The following SFXN5 variants were observed in gnomAD, a reference collection of about 807,000 sequenced individuals.
SFXN5 encodes sideroflexin-5.
A neutral mutation model predicts 50.2 loss-of-function variants in SFXN5; 43 were observed. The ratio of observed to expected loss-of-function variants is 0.86; its 90% confidence interval spans 0.67 to 1.11. SFXN5 has a LOEUF of 1.11. Among genes scored for constraint, SFXN5 ranks in the 50% least tolerant of loss-of-function variants. The pLI is 0.00. For missense variants in SFXN5, 463 were observed against 454.1 expected (o/e 1.02, Z -0.18); for synonymous variants, 203 against 185.8 (o/e 1.09, Z -0.75).
At chr2:72,968,759 CTTT>C (rs1559100900) in intron 11 of SFXN5, among the ~76,000 whole-genome samples, 1 of 151,196 alleles carries the variant, frequency 6.6e-6, no homozygotes, top group East Asian at 1.9e-4. Context: ...TCTTTCCTTC[CTTT>C]TTTCTTTCCT....
intron 4 of SFXN5, among the ~76,000 whole-genome samples, chr2:73,022,841 T>C (rs1305719262): frequency 6.6e-6 from 1 of 152,216 alleles, no homozygotes; most frequent in Non-Finnish European, 1.5e-5. Flanking sequence ...AAAAGCTGAA[T>C]GCAGTGGAGA....
intron 13 of SFXN5, among the ~76,000 whole-genome samples, chr2:72,957,790 C>T (rs552489733): frequency 6.6e-6 from 1 of 152,352 alleles, no homozygotes; most frequent in Non-Finnish European, 1.5e-5. Flanking sequence ...CCAAACAGGG[C>T]TCAAAACACC....
chr2:72,971,045 G>A (rs1675105774), intron 11 of SFXN5, among the ~76,000 whole-genome samples: 1 of 152,142 alleles, frequency 6.6e-6, no homozygotes, highest in Non-Finnish European at 1.5e-5. Context: ...GAAACCAGTG[G>A]CGAAAGAAGG....
intron 2 of SFXN5, among the ~76,000 whole-genome samples, chr2:73,044,788 C>G (rs559845446): frequency 6.6e-6 from 1 of 152,370 alleles, no homozygotes; most frequent in South Asian, 2.1e-4. Flanking sequence ...CCATGAGAGT[C>G]CCTCCATGTA....
At chr2:73,006,903 G>C (rs745692346) in intron 6 of SFXN5, among the ~76,000 whole-genome samples, 7 of 152,204 alleles carry the variant, frequency 4.6e-5, no homozygotes, top group Non-Finnish European at 1.0e-4. Context: ...CCAGGAAGAG[G>C]GGCAGTTTGT....
intron 6 of SFXN5, among the ~76,000 whole-genome samples, chr2:73,011,624 A>G (rs541734344): frequency 6.6e-6 from 1 of 152,296 alleles, no homozygotes; most frequent in East Asian, 1.9e-4. Flanking sequence ...GGTAATTCAG[A>G]GAAGGGGGAA....
In SFXN5 at chr2:73,023,135, G is replaced by T. The variant is rs569082007; in HGVS notation, c.276+53C>A. On this transcript the variant is annotated intron_variant, in intron 4 of 13. Transcript: ENST00000272433. Reference sequence around the variant, plus strand: ...CACTAGATCCCTGGGACAGGGCAGGGTGGAGTCCAGGACAACACGGAGAAG... The same window carrying T: ...CACTAGATCCCTGGGACAGGGCAGGTTGGAGTCCAGGACAACACGGAGAAG... The T allele has an allele frequency of 2.9e-5, 45 of 1,572,536 alleles. No individual in the cohort carries two copies. In the South Asian group the frequency reaches 4.9e-4, roughly 17 times the overall value.
At chr2:73,018,713 T>C (rs1676467498) in intron 6 of SFXN5, among the ~76,000 whole-genome samples, 1 of 152,236 alleles carries the variant, frequency 6.6e-6, no homozygotes, top group African/African-American at 2.4e-5. Context: ...AAAATGCTAC[T>C]ATAAACATTC....
At chr2:73,002,975 T>G (rs1245946854) in intron 6 of SFXN5, among the ~76,000 whole-genome samples, 1 of 152,250 alleles carries the variant, frequency 6.6e-6, no homozygotes, top group Non-Finnish European at 1.5e-5. Flanking sequence ...TTTAAAATTC[T>G]ACTTCCAAAT....
intron 13 of SFXN5, among the ~76,000 whole-genome samples, chr2:72,955,913 C>T (rs1011709943): frequency 3.9e-5 from 6 of 152,264 alleles, no homozygotes. Flanking sequence ...CCACCTATAG[C>T]GGCCCCGGCA....
chr2:73,067,574 T>G (rs1683266917), intron 1 of SFXN5, among the ~76,000 whole-genome samples: 1 of 152,206 alleles, frequency 6.6e-6, no homozygotes, highest in Non-Finnish European at 1.5e-5. Context: ...AATAAAAAAA[T>G]TTTTAAAAAG....
chr2:72,988,736 C>T (rs1672215287), intron 9 of SFXN5, among the ~76,000 whole-genome samples: 1 of 152,206 alleles, frequency 6.6e-6, no homozygotes, highest in Non-Finnish European at 1.5e-5. Flanking sequence ...TGTAGGAAGG[C>T]CTCATTCCCA....
chr2:73,060,983 G>A (rs1682742562), intron 1 of SFXN5, among the ~76,000 whole-genome samples: 1 of 151,316 alleles, frequency 6.6e-6, no homozygotes, highest in East Asian at 2.0e-4. Flanking sequence ...TTACAGGCGT[G>A]AGCCACCGCG....
intron 3 of SFXN5, among the ~76,000 whole-genome samples, chr2:73,033,174 T>C (rs1303413183): frequency 6.6e-6 from 1 of 152,242 alleles, no homozygotes; most frequent in Non-Finnish European, 1.5e-5. Flanking sequence ...TTCAAGGTTA[T>C]TGTGAAAATT....
At chr2:73,004,417 G>A (rs1250956734) in intron 6 of SFXN5, among the ~76,000 whole-genome samples, 4 of 151,890 alleles carry the variant, frequency 2.6e-5, no homozygotes, top group Admixed American at 2.6e-4. Flanking sequence ...TTATAACACC[G>A]AGGCTTGAAA....
chr2:73,001,471 C>T, intron 7 of SFXN5, 54 bp downstream of exon 7: 3 of 1,594,818 alleles, frequency 1.9e-6, no homozygotes, highest in Non-Finnish European at 2.6e-6. Flanking sequence ...AGTTCTTAAC[C>T]AGCACCTGTG....
chr2:73,008,540 G>A (rs559684028), intron 6 of SFXN5, among the ~76,000 whole-genome samples: 2 of 152,318 alleles, frequency 1.3e-5, no homozygotes, highest in East Asian at 1.9e-4. Context: ...CAGGCAGGAC[G>A]AGGGCCGGAC....
At chr2:72,968,002 G>A (rs1354203896) in intron 12 of SFXN5, among the ~76,000 whole-genome samples, 2 of 152,082 alleles carry the variant, frequency 1.3e-5, no homozygotes, top group African/African-American at 4.8e-5. Context: ...CAGTAAGGTG[G>A]TGATTTGCCC....
Position 73,071,601 on chromosome 2 carries a change from C to T in SFXN5, c.102+3G>A, listed in dbSNP as rs777328677. ...GGCCCGCAGACCACAGCCCGGTCCTCACCTGCTGGAAGCGGGGTTTGCCCA... is the reference window on the plus strand; with the variant it reads ...GGCCCGCAGACCACAGCCCGGTCCTTACCTGCTGGAAGCGGGGTTTGCCCA... On this transcript the variant is annotated splice_donor_region_variant and intron_variant, in intron 1 of 13. Transcript: ENST00000272433. 2.5e-6 allele frequency: 4 copies of T among 1,613,476 alleles called. No homozygotes were observed. The highest frequency in any genetic ancestry group is 3.3e-5 in the Admixed American group (2 of 59,976).
Sources: gnomAD v4.1 joint callset for allele counts (sites outside exome capture counted in the v4.1 genomes callset) on GRCh38, gnomAD v4.1.1 for gene constraint, MANE v1.5 for transcripts, NCBI Gene and HGNC (gene_info 2026-07-23, HGNC 2026-07-21) for gene names.